BPTF: variants seen among roughly 807,000 people sequenced by gnomAD.
BPTF encodes nucleosome-remodeling factor subunit BPTF.
Under a neutral mutation model 292.5 loss-of-function variants are expected in BPTF, and 18 were observed. That is an observed-to-expected ratio of 0.06 (90% CI 0.04 to 0.09). BPTF has a LOEUF of 0.09. BPTF is among the 10% of genes least tolerant of loss of function. BPTF has a pLI of 1.00. For synonymous variants in BPTF, 1,225 were observed against 1,251.9 expected (o/e 0.98, Z 0.45); for missense variants, 2,726 against 3,498.7 (o/e 0.78, Z 5.57).
At chr17:67,895,485 A>G (rs535963960) in intron 7 of BPTF, among the ~76,000 whole-genome samples, 5 of 135,700 alleles carry the variant, frequency 3.7e-5, no homozygotes, top group Non-Finnish European at 6.2e-5. Flanking sequence ...TTTTTTTGAC[A>G]CAGGATCTCA....
At chr17:67,877,314 A>G (rs562530996) in intron 4 of BPTF, among the ~76,000 whole-genome samples, 1 of 152,258 alleles carries the variant, frequency 6.6e-6, no homozygotes, top group South Asian at 2.1e-4. Context: ...TATTTATTCA[A>G]CAGCTATTTA....
intron 7 of BPTF, among the ~76,000 whole-genome samples, chr17:67,895,521 G>A (rs186958743): frequency 2.3e-4 from 34 of 149,964 alleles, no homozygotes; most frequent in African/African-American, 8.1e-4. Context: ...GAGTACAGTG[G>A]CGCCATCACA....
intron 26 of BPTF, among the ~76,000 whole-genome samples, chr17:67,973,173 G>C (rs2068986977): frequency 6.7e-6 from 1 of 149,586 alleles, no homozygotes. Flanking sequence ...AGGAGATTGA[G>C]ACCATCCTGG....
chr17:67,869,048 C>T (rs1344996881), intron 3 of BPTF, among the ~76,000 whole-genome samples: 3 of 151,986 alleles, frequency 2.0e-5, no homozygotes, highest in South Asian at 2.1e-4. Flanking sequence ...ACACAATCTC[C>T]GTCTTACTCT....
chr17:67,886,263 C>G, intron 4 of BPTF: 1 of 1,613,912 alleles, frequency 6.2e-7, no homozygotes, highest in Non-Finnish European at 8.5e-7. Context: ...GCTGATGATC[C>G]TGAAAATGGA....
intron 1 of BPTF, among the ~76,000 whole-genome samples, chr17:67,841,361 A>G (rs763710098): frequency 1.3e-5 from 2 of 152,172 alleles, no homozygotes; most frequent in Non-Finnish European, 2.9e-5. Context: ...GTGAGTCGAG[A>G]TTGCGCCATT....
intron 11 of BPTF, among the ~76,000 whole-genome samples, chr17:67,915,893 G>C (rs2062952435): frequency 6.6e-6 from 1 of 152,110 alleles, no homozygotes; most frequent in African/African-American, 2.4e-5. Context: ...GCTTGAATGA[G>C]CAGACTTACC....
In BPTF at chr17:67,825,895, G is replaced by A. The variant is rs2055949762; in HGVS notation, c.171G>A (p.Glu57=). 4 of 1,016,354 alleles carry A rather than the reference G, an allele frequency of 3.9e-6. No homozygotes were observed. In the East Asian group the frequency reaches 2.8e-4, roughly 71 times the overall value. 63.0% of individuals were successfully genotyped at this position (1,016,354 alleles called of 1,614,324 possible). A position where few individuals can be genotyped will look rare whatever the true frequency, so the allele number is the denominator to read the frequency against. Reference sequence around the variant, plus strand: ...GCAGGTGGGCCGCCGCCCAGGCTGAGGTGGCGCCCAAGACGCGGCTGAGCT... The same window carrying A: ...GCAGGTGGGCCGCCGCCCAGGCTGAAGTGGCGCCCAAGACGCGGCTGAGCT... ...SRGRWAAAQA[E]VAPKTRLSSP... Residue 57 remains glutamate, a synonymous_variant, in exon 1 of 28, where the codon GAG becomes GAA. Coordinates refer to ENST00000306378, the MANE Select transcript of BPTF (RefSeq NM_182641.4).
rs138151997 is a variant in BPTF, at chr17:67,935,640, G to A, written c.6259+3621G>A. Among the ~76,000 whole-genome samples the A allele has an allele frequency of 2.1e-3, 316 of 152,242 alleles. 1 individual carries two copies. The highest frequency in any genetic ancestry group is 7.2e-3 in the African/African-American group (299 of 41,536). ...ACTCAAAAGGAACTGTAGATCACCT[G>A]AGGTCAGGAGTTCAAGACCCGCCTG... On this transcript the variant is annotated intron_variant, in intron 18 of 27. Transcript: ENST00000306378.
Position 67,909,536 on chromosome 17 carries a change from A to C in BPTF, c.2813-46A>C, listed in dbSNP as rs371842346. 3.1e-6 allele frequency: 4 copies of C among 1,310,022 alleles called. No homozygotes were observed. In the African/African-American group the frequency reaches 6.0e-5, roughly 19 times the overall value. The allele number at this position is 1,310,022 out of a possible 1,614,324, so 81.1% of individuals were successfully genotyped here. A position where few individuals can be genotyped will look rare whatever the true frequency, so the allele number is the denominator to read the frequency against. The stretch of plus-strand genomic sequence containing the variant: ...ACTAAACTTGACATATTAAAGTGCT[A>C]ATACTCTGGAAATAACGTAAATTAT... On this transcript the variant is annotated intron_variant, in intron 9 of 27. Transcript: ENST00000306378.
chr17:67,946,983 T>C (rs2065857383), intron 21 of BPTF, among the ~76,000 whole-genome samples: 1 of 152,246 alleles, frequency 6.6e-6, no homozygotes, highest in East Asian at 1.9e-4. Flanking sequence ...GGAGTTTGAA[T>C]GTGGATTTTA....
chr17:67,961,460 A>G (rs2067477491), intron 24 of BPTF, among the ~76,000 whole-genome samples: 1 of 146,906 alleles, frequency 6.8e-6, no homozygotes, highest in African/African-American at 2.4e-5. Flanking sequence ...ACATCCTTCC[A>G]GAACACAGCC....
At chr17:67,885,752 ATC>A (rs1334712293) in intron 4 of BPTF, among the ~76,000 whole-genome samples, 1 of 152,236 alleles carries the variant, frequency 6.6e-6, no homozygotes, top group Non-Finnish European at 1.5e-5. Flanking sequence ...TTTGAATACT[ATC>A]TCAGCAAACT....
intron 19 of BPTF, among the ~76,000 whole-genome samples, chr17:67,942,524 G>T (rs2065458335): frequency 6.6e-6 from 1 of 152,132 alleles, no homozygotes; most frequent in Non-Finnish European, 1.5e-5. Flanking sequence ...TGCACAGCTG[G>T]TGGGCCTATC....
intron 1 of BPTF, among the ~76,000 whole-genome samples, chr17:67,830,908 A>G (rs2056609793): frequency 6.6e-6 from 1 of 152,220 alleles, no homozygotes; most frequent in South Asian, 2.1e-4. Context: ...CAGCAGCACC[A>G]TGCACAAACA....
intron 9 of BPTF, among the ~76,000 whole-genome samples, chr17:67,906,822 C>A (rs1243715568): frequency 1.3e-5 from 2 of 152,128 alleles, no homozygotes; most frequent in Non-Finnish European, 2.9e-5. Context: ...AGAAATCATT[C>A]ATTTAAATAA....
At chr17:67,842,660 A>G (rs577666623) in intron 1 of BPTF, among the ~76,000 whole-genome samples, 2 of 152,320 alleles carry the variant, frequency 1.3e-5, no homozygotes, top group South Asian at 4.1e-4. Flanking sequence ...CAATGAAAAT[A>G]TAAAACATGT....
chr17:67,960,121 C>T, intron 24 of BPTF: 1 of 385,498 alleles, frequency 2.6e-6, no homozygotes, highest in East Asian at 4.6e-5. Context: ...CTTTCTGTTG[C>T]TCCTTTGCTT....
chr17:67,969,769 C>T (rs1555689809), intron 26 of BPTF, among the ~76,000 whole-genome samples: 2 of 151,938 alleles, frequency 1.3e-5, no homozygotes. Context: ...TTAATACCAG[C>T]CTGGGCAACA....
Sources: allele counts gnomAD v4.1 joint callset (sites outside exome capture counted in the v4.1 genomes callset), GRCh38; gene constraint gnomAD v4.1.1; transcripts MANE v1.5; gene names NCBI Gene and HGNC (gene_info 2026-07-23, HGNC 2026-07-21).